The following HPSE2 variants were observed in gnomAD, a reference collection of about 807,000 sequenced individuals.
HPSE2 encodes the protein heparanase 2 (inactive), also known as inactive heparanase-2.
HPSE2 carries 38 observed loss-of-function variants against 60.5 expected under a neutral mutation model. That is an observed-to-expected ratio of 0.63 (90% confidence interval 0.48 to 0.82). The LOEUF (loss-of-function observed/expected upper bound fraction) is 0.82. Among genes scored for constraint, HPSE2 ranks in the 40% least tolerant of loss-of-function variants. The probability of loss-of-function intolerance (pLI) is 0.00; values close to 1 mark genes in which losing one functional copy is unlikely to be tolerated. For missense variants in HPSE2, 713 were observed against 740.4 expected (o/e 0.96, Z 0.43); for synonymous variants, 295 against 293.2 (o/e 1.01, Z -0.06).
chr10:98,576,390 C>CT (rs1564982027), intron 9 of HPSE2, among the ~76,000 whole-genome samples: 1 of 151,966 alleles, frequency 6.6e-6, no homozygotes, highest in South Asian at 2.1e-4. Flanking sequence ...AGTTTAATAT[C>CT]TTTTTTTGGA....
chr10:98,988,354 A>G (rs1449353312), intron 3 of HPSE2, among the ~76,000 whole-genome samples: 1 of 152,308 alleles, frequency 6.6e-6, no homozygotes, highest in African/African-American at 2.4e-5. Flanking sequence ...ATCTACAGCT[A>G]TCTGATCTTT....
At chr10:99,078,541 T>C (rs1197266490) in intron 3 of HPSE2, among the ~76,000 whole-genome samples, 6 of 152,202 alleles carry the variant, frequency 3.9e-5, no homozygotes, top group Admixed American at 3.9e-4. Flanking sequence ...AGATGCATTT[T>C]TTTTTACTTT....
intron 3 of HPSE2, among the ~76,000 whole-genome samples, chr10:99,067,259 G>A (rs1842646078): frequency 6.6e-6 from 1 of 152,126 alleles, no homozygotes; most frequent in Non-Finnish European, 1.5e-5. Context: ...GGTGCATGGT[G>A]CAATCTGTCA....
chr10:99,310,982 TATAAC>T, the HPSE2 span, among the ~76,000 whole-genome samples: 9 of 152,168 alleles, frequency 5.9e-5, no homozygotes, highest in African/African-American at 2.2e-4. Flanking sequence ...TTATTTCTCC[TATAAC>T]ATAATTTTTC....
chr10:98,697,619 C>A (rs1262197895), intron 5 of HPSE2, among the ~76,000 whole-genome samples: 4 of 152,126 alleles, frequency 2.6e-5, no homozygotes, highest in African/African-American at 9.7e-5. Flanking sequence ...CTCAACCTAG[C>A]AAGATAGGCC....
chr10:98,562,091 C>A (rs552207197), intron 9 of HPSE2, among the ~76,000 whole-genome samples: 1 of 152,020 alleles, frequency 6.6e-6, no homozygotes, highest in East Asian at 1.9e-4. Context: ...CATATTTTCC[C>A]GTACCTTTTC....
chr10:99,004,254 T>C (rs1184385534), intron 3 of HPSE2, among the ~76,000 whole-genome samples: 1 of 152,082 alleles, frequency 6.6e-6, no homozygotes, highest in East Asian at 1.9e-4. Context: ...AAGATAATTA[T>C]TAATATGTAA....
chr10:98,977,977 A>T (rs1242718154), intron 3 of HPSE2, among the ~76,000 whole-genome samples: 1 of 151,830 alleles, frequency 6.6e-6, no homozygotes, highest in East Asian at 1.9e-4. Context: ...TATTTACAGT[A>T]TGTATGAAAT....
intron 3 of HPSE2, among the ~76,000 whole-genome samples, chr10:98,879,848 T>TGTAC (rs1401470268): frequency 3.8e-5 from 4 of 106,006 alleles, no homozygotes; most frequent in African/African-American, 1.6e-4. Flanking sequence ...TTGGTGTGCA[T>TGTAC]GTGCGTGTGT....
chr10:98,782,830 T>A, intron 3 of HPSE2, among the ~76,000 whole-genome samples: 1 of 129,596 alleles, frequency 7.7e-6, no homozygotes, highest in Non-Finnish European at 1.7e-5. Context: ...TATTACAAAA[T>A]GTATGGGCCC....
chr10:98,897,232 G>A (rs534517040), intron 3 of HPSE2, among the ~76,000 whole-genome samples: 4 of 152,248 alleles, frequency 2.6e-5, no homozygotes, highest in African/African-American at 7.2e-5. Context: ...ATTGAGTACA[G>A]TGTACACCGC....
chr10:99,131,923 C>T (rs1845401721), intron 3 of HPSE2, among the ~76,000 whole-genome samples: 1 of 151,580 alleles, frequency 6.6e-6, no homozygotes, highest in Non-Finnish European at 1.5e-5. Flanking sequence ...ACTAGCCTGG[C>T]CAACATGATG....
intron 3 of HPSE2, among the ~76,000 whole-genome samples, chr10:98,809,976 C>T (rs909829590): frequency 6.6e-6 from 1 of 152,060 alleles, no homozygotes; most frequent in South Asian, 2.1e-4. Context: ...GATTTTCTTG[C>T]CCCTCGTTTA....
At position 99,108,646 on chromosome 10, in the gene HPSE2, T is replaced by C. The variant is rs147840961; in HGVS notation, c.610+35592A>G. 1.5e-3 allele frequency among the ~76,000 whole-genome samples: 231 copies of C among 152,266 alleles called. 1 individual carries two copies. The highest frequency in any genetic ancestry group is 0.012 in the Admixed American group (182 of 15,284). On this transcript the variant is annotated intron_variant, in intron 3 of 11. Coordinates refer to ENST00000370552, the MANE Select transcript of HPSE2 (RefSeq NM_021828.5). ...AGCAACTACCAATAGCCATCAAAAA[T>C]AAAAGTGAAAGACTTATAGAAAATT...
At chr10:98,701,589 A>G (rs928104538) in intron 5 of HPSE2, among the ~76,000 whole-genome samples, 1 of 151,772 alleles carries the variant, frequency 6.6e-6, no homozygotes, top group Non-Finnish European at 1.5e-5. Flanking sequence ...ATGTATACAT[A>G]TGTAACTAAC....
the HPSE2 span, among the ~76,000 whole-genome samples, chr10:99,297,536 G>A: frequency 1.3e-5 from 2 of 152,206 alleles, no homozygotes; most frequent in African/African-American, 4.8e-5. Context: ...TTTGTCTTCT[G>A]ACTCCATTGT....
intron 9 of HPSE2, among the ~76,000 whole-genome samples, chr10:98,548,085 T>C (rs112273662): frequency 1.1e-4 from 16 of 152,290 alleles, no homozygotes; most frequent in African/African-American, 2.4e-4. Context: ...GATGGTCTCA[T>C]AGGGGGACAA....
intron 2 of HPSE2, among the ~76,000 whole-genome samples, chr10:99,153,271 G>T (rs972522432): frequency 3.9e-5 from 6 of 152,136 alleles, no homozygotes; most frequent in Admixed American, 1.3e-4. Context: ...AGACCTGCCT[G>T]CCTCTATAGG....
chr10:98,876,894 C>T (rs1952891421), intron 3 of HPSE2, among the ~76,000 whole-genome samples: 1 of 151,884 alleles, frequency 6.6e-6, no homozygotes, highest in South Asian at 2.1e-4. Flanking sequence ...CCAGATAAAA[C>T]CAATAGATGA....
Sources: allele counts gnomAD v4.1 joint callset (sites outside exome capture counted in the v4.1 genomes callset), GRCh38; gene constraint gnomAD v4.1.1; transcripts MANE v1.5; gene names NCBI Gene and HGNC (gene_info 2026-07-23, HGNC 2026-07-21).